CAP2: variants seen among roughly 807,000 people sequenced by gnomAD.
The protein encoded by CAP2 is cyclase associated actin cytoskeleton regulatory protein 2, also known as adenylyl cyclase-associated protein 2.
In CAP2, 24 loss-of-function variants were observed where a neutral mutation model predicts 57.7. The ratio of observed to expected loss-of-function variants is 0.42; its 90% CI spans 0.30 to 0.58. The LOEUF (loss-of-function observed/expected upper bound fraction) is 0.58. CAP2 is among the 20% of genes least tolerant of loss of function. CAP2 has a pLI of 0.22. For missense variants in CAP2, 501 were observed against 590.3 expected, an observed-to-expected ratio of 0.85 and a Z score of 1.57; for synonymous variants, 194 against 207.2, an observed-to-expected ratio of 0.94 and a Z score of 0.55.
intron 4 of CAP2, among the ~76,000 whole-genome samples, chr6:17,483,791 C>T (rs973686186): frequency 2.0e-5 from 3 of 152,062 alleles, no homozygotes; most frequent in Non-Finnish European, 2.9e-5. Flanking sequence ...GTGTTTTCCC[C>T]GGCATGGCTG....
In CAP2 at chr6:17,465,352, G is replaced by C. The variant is rs914388349; in HGVS notation, c.300+2279G>C. On this transcript the variant is annotated intron_variant, in intron 4 of 12. Transcript: ENST00000229922. ...TTACAGGCATGAACCGCTGTGCCTGGCTCTATTGAATTCTTGATAAAGGGG... is the reference window on the plus strand; with the variant it reads ...TTACAGGCATGAACCGCTGTGCCTGCCTCTATTGAATTCTTGATAAAGGGG... Among the ~76,000 whole-genome samples, 3 of 152,248 alleles carry C rather than the reference G, an allele frequency of 2.0e-5. No individual in the cohort carries two copies. The East Asian group carries it at 5.8e-4, about 29-fold the overall frequency.
In CAP2 at chr6:17,539,438, A is replaced by G; in HGVS notation, c.806A>G (p.Gln269Arg). 4.3e-6 allele frequency: 7 copies of G among 1,613,946 alleles called. No homozygotes were observed. The highest frequency in any genetic ancestry group is 1.7e-5 in the Admixed American group (1 of 60,004). ...TCAGCTTTATTTGCCCAACTTAACC[A>G]GGGAGAAGCAATTACAAAAGGTGAG... is the stretch of plus-strand genomic sequence containing the variant. ...SRSALFAQLNQGEAITKGLRH... is the reference protein window; with the variant it reads ...SRSALFAQLNRGEAITKGLRH... The change falls in exon 8 of 13, where the codon CAG becomes CGG. Residue 269 changes from glutamine (Q) to arginine (R), a missense_variant. By Grantham distance (43) the Gln-to-Arg change is conservative (BLOSUM62 1). Coordinates refer to ENST00000229922, the MANE Select transcript of CAP2 (RefSeq NM_006366.3).
intron 3 of CAP2, among the ~76,000 whole-genome samples, chr6:17,459,279 G>GGTGATGAA (rs1372706188): frequency 6.6e-6 from 1 of 152,186 alleles, no homozygotes; most frequent in Admixed American, 6.5e-5. Context: ...AATAAAGACT[G>GGTGATGAA]GACATCACCT....
chr6:17,488,830 C>G (rs1761482955), intron 4 of CAP2, among the ~76,000 whole-genome samples: 1 of 152,136 alleles, frequency 6.6e-6, no homozygotes, highest in South Asian at 2.1e-4. Context: ...CTCTGGACAT[C>G]TAAGGGATTC....
At chr6:17,408,912 G>A (rs866171884) in intron 1 of CAP2, among the ~76,000 whole-genome samples, 3 of 151,234 alleles carry the variant, frequency 2.0e-5, no homozygotes, top group Non-Finnish European at 4.4e-5. Context: ...CTTGTGATCC[G>A]CCAGCCTCGG....
chr6:17,506,816 G>T (rs1761998583), intron 4 of CAP2, among the ~76,000 whole-genome samples: 1 of 152,124 alleles, frequency 6.6e-6, no homozygotes, highest in Admixed American at 6.5e-5. Flanking sequence ...TTATTGCAGT[G>T]TGTGATCTAT....
chr6:17,436,484 T>A (rs1291170788), intron 3 of CAP2, among the ~76,000 whole-genome samples: 1 of 152,056 alleles, frequency 6.6e-6, no homozygotes, highest in Non-Finnish European at 1.5e-5. Context: ...TCGAAAGCTG[T>A]GAGCAGGCAG....
intron 7 of CAP2, among the ~76,000 whole-genome samples, chr6:17,520,297 A>G (rs776899814): frequency 7.9e-5 from 12 of 151,896 alleles, no homozygotes; most frequent in Non-Finnish European, 1.6e-4. Context: ...TTTTGTAGAG[A>G]CGTGATTTCA....
intron 8 of CAP2, among the ~76,000 whole-genome samples, chr6:17,540,608 T>C (rs1024985271): frequency 1.3e-5 from 2 of 151,948 alleles, no homozygotes; most frequent in South Asian, 2.1e-4. Context: ...AAAAATTAGC[T>C]AAGCGTGTGG....
At chr6:17,553,306 A>G (rs1763214517) in intron 12 of CAP2, among the ~76,000 whole-genome samples, 1 of 152,148 alleles carries the variant, frequency 6.6e-6, no homozygotes, top group African/African-American at 2.4e-5. Flanking sequence ...CTAAAGGATG[A>G]GTGTAAATCA....
At chr6:17,488,924 G>C (rs1398795174) in intron 4 of CAP2, among the ~76,000 whole-genome samples, 11 of 152,250 alleles carry the variant, frequency 7.2e-5, no homozygotes, top group Admixed American at 7.2e-4. Context: ...GCAGAGTCAA[G>C]ACTAAAATCC....
intron 3 of CAP2, among the ~76,000 whole-genome samples, chr6:17,450,490 A>T (rs1467950564): frequency 6.6e-6 from 1 of 152,192 alleles, no homozygotes; most frequent in Non-Finnish European, 1.5e-5. Flanking sequence ...GCTGAAATGT[A>T]TGATAGAAGA....
chr6:17,434,024 C>T (rs1759809856), intron 3 of CAP2, among the ~76,000 whole-genome samples: 2 of 152,052 alleles, frequency 1.3e-5, no homozygotes, highest in Non-Finnish European at 2.9e-5. Context: ...TGCCCATTTA[C>T]TCTACCAATG....
intron 3 of CAP2, among the ~76,000 whole-genome samples, chr6:17,458,529 G>A (rs1760636096): frequency 6.6e-6 from 1 of 152,108 alleles, no homozygotes; most frequent in South Asian, 2.1e-4. Flanking sequence ...TTTATGTTTT[G>A]GAACATTTGT....
Position 17,556,596 on chromosome 6 carries a change from C to A in CAP2, c.*154C>A. On this transcript the variant is annotated 3_prime_UTR_variant, in exon 13 of 13. Coordinates refer to ENST00000229922, the MANE Select transcript of CAP2 (RefSeq NM_006366.3). ...TAGATACAGCACTGTTTCTGGCACG[C>A]CTCGTGGGCATTTTGAAATATTTAA... 1 of 573,640 alleles carries A rather than the reference C, an allele frequency of 1.7e-6. No homozygotes were observed. Among genetic ancestry groups the A allele is most frequent in the Non-Finnish European group, 3.1e-6 (1 of 318,004 alleles). The allele number at this position is 573,640 out of a possible 1,614,324, so 35.5% of individuals were successfully genotyped here.
intron 3 of CAP2, among the ~76,000 whole-genome samples, chr6:17,427,727 T>C (rs1252489409): frequency 6.6e-6 from 1 of 152,054 alleles, no homozygotes; most frequent in Non-Finnish European, 1.5e-5. Context: ...TTATTCACAA[T>C]AGCCACGAGG....
At chr6:17,399,941 G>A (rs547545173) in intron 1 of CAP2, among the ~76,000 whole-genome samples, 1 of 152,136 alleles carries the variant, frequency 6.6e-6, no homozygotes, top group Non-Finnish European at 1.5e-5. Context: ...ACCTGTAGTG[G>A]CCGGGCATGG....
At chr6:17,477,256 G>A (rs975400902) in intron 4 of CAP2, among the ~76,000 whole-genome samples, 1 of 152,216 alleles carries the variant, frequency 6.6e-6, no homozygotes, top group Non-Finnish European at 1.5e-5. Flanking sequence ...TAGCAAGGCA[G>A]TAATGAAAAG....
intron 7 of CAP2, among the ~76,000 whole-genome samples, chr6:17,521,920 C>A (rs190410150): frequency 6.1e-4 from 93 of 152,090 alleles, no homozygotes; most frequent in Middle Eastern, 6.8e-3. Flanking sequence ...ACCAGTGTTG[C>A]CAACATGGTG....
Sources: allele counts gnomAD v4.1 joint callset (sites outside exome capture counted in the v4.1 genomes callset), GRCh38; gene constraint gnomAD v4.1.1; transcripts MANE v1.5; gene names NCBI Gene and HGNC (gene_info 2026-07-23, HGNC 2026-07-21).